The following ADGRV1 variants were observed in gnomAD, a reference collection of about 807,000 sequenced individuals.
The protein encoded by ADGRV1 is adhesion G protein-coupled receptor V1.
ADGRV1 carries 359 observed loss-of-function variants against 596.2 expected under a neutral mutation model. The ratio of observed to expected loss-of-function variants is 0.60; its 90% CI spans 0.55 to 0.66. The LOEUF (loss-of-function observed/expected upper bound fraction) is 0.66. Ranked by LOEUF, ADGRV1 falls within the 30% of genes least tolerant of loss-of-function variation. The pLI is 0.00. For synonymous variants in ADGRV1, 2,681 were observed against 2,679.2 expected (o/e 1.00, Z -0.02); for missense variants, 7,274 against 7,575.6 (o/e 0.96, Z 1.48).
intron 87 of ADGRV1, among the ~76,000 whole-genome samples, chr5:91,116,598 C>T (rs1275392544): frequency 6.6e-6 from 1 of 152,118 alleles, no homozygotes; most frequent in African/African-American, 2.4e-5. Flanking sequence ...CTTCAGAAGC[C>T]CAATGATGTC....
intron 83 of ADGRV1, among the ~76,000 whole-genome samples, chr5:90,926,977 G>A (rs562820675): frequency 6.6e-6 from 1 of 151,848 alleles, no homozygotes; most frequent in East Asian, 1.9e-4. Context: ...GTTCTAGTTT[G>A]ATTGCACTGT....
Position 90,628,727 on chromosome 5 carries a change from T to C in ADGRV1, c.1404T>C (p.Pro468=). ...AAGGGCAGATGTTGGCAACAATTCC[T>C]CTTACTGTGGTTGATGATGATCTTC... ...FAQGQMLATI[P]LTVVDDDLPE... is the part of the protein sequence containing the mutation. Residue 468 remains proline, a synonymous_variant, in exon 8 of 90, where the codon CCT becomes CCC. Coordinates refer to ENST00000405460, the MANE Select transcript of ADGRV1 (RefSeq NM_032119.4). 1.9e-6 allele frequency: 3 copies of C among 1,614,010 alleles called. No homozygotes were observed. Among genetic ancestry groups the C allele is most frequent in the Non-Finnish European group, 2.5e-6 (3 of 1,179,882 alleles).
At chr5:90,621,492 A>C (rs946598235) in intron 4 of ADGRV1, among the ~76,000 whole-genome samples, 1 of 152,218 alleles carries the variant, frequency 6.6e-6, no homozygotes, top group East Asian at 1.9e-4. Flanking sequence ...AATGATAAAG[A>C]ATTGTTAATG....
intron 84 of ADGRV1, among the ~76,000 whole-genome samples, chr5:90,966,675 C>G (rs16869291): frequency 0.19 from 29,202 of 151,940 alleles, 4,162 homozygotes; most frequent in East Asian, 0.49. Context: ...CTAGCATACT[C>G]CCCTGAGGAA....
chr5:90,926,939 C>T (rs1410541994), intron 83 of ADGRV1, among the ~76,000 whole-genome samples: 9 of 152,052 alleles, frequency 5.9e-5, no homozygotes, highest in East Asian at 3.9e-4. Flanking sequence ...TGTAGTTGAG[C>T]GGTTGTGAGT....
chr5:91,077,855 C>T (rs868696175), intron 86 of ADGRV1, among the ~76,000 whole-genome samples: 1 of 152,196 alleles, frequency 6.6e-6, no homozygotes, highest in Non-Finnish European at 1.5e-5. Context: ...GCATGTCTCT[C>T]TTTTTAGGCT....
At chr5:90,974,678 A>T (rs1377386154) in intron 84 of ADGRV1, among the ~76,000 whole-genome samples, 1 of 152,198 alleles carries the variant, frequency 6.6e-6, no homozygotes, top group Non-Finnish European at 1.5e-5. Flanking sequence ...TCCCTTCCTT[A>T]CACCTTATAC....
At chr5:91,052,721 A>G (rs1786461832) in intron 85 of ADGRV1, among the ~76,000 whole-genome samples, 1 of 152,178 alleles carries the variant, frequency 6.6e-6, no homozygotes, top group South Asian at 2.1e-4. Flanking sequence ...AGTGTGAGCC[A>G]CCACGCCCAG....
chr5:91,028,023 CTT>C (rs35519785), intron 85 of ADGRV1, among the ~76,000 whole-genome samples: 1 of 136,978 alleles, frequency 7.3e-6, no homozygotes, highest in African/African-American at 2.7e-5. Context: ...TGAGATCCAG[CTT>C]TTTTTTTCTT....
intron 29 of ADGRV1, among the ~76,000 whole-genome samples, chr5:90,688,078 G>A (rs370054803): frequency 2.4e-4 from 37 of 152,108 alleles, no homozygotes; most frequent in South Asian, 1.9e-3. Context: ...AAAAGAGCCC[G>A]CATCGCCGAG....
At chr5:90,685,661 A>G (rs1745530845) in intron 28 of ADGRV1, 119 bp from the exon 29 acceptor site, 2 of 410,288 alleles carry the variant, frequency 4.9e-6, no homozygotes, top group Non-Finnish European at 8.4e-6. Flanking sequence ...TAGAGGGAAA[A>G]CCCCAAATGA....
chr5:90,568,168 T>A lies in ADGRV1; in HGVS notation c.22+9251T>A, dbSNP rs1338087123. ...TTCCTTCTGCTTGATTTGGGTTTAG[T>A]TTGCCTGTTTTTTTCTACTTTCTTA... On this transcript the variant is annotated intron_variant, in intron 1 of 89. Coordinates refer to ENST00000405460, the MANE Select transcript of ADGRV1 (RefSeq NM_032119.4). Among the ~76,000 whole-genome samples, 11 of 152,246 alleles carry A rather than the reference T, an allele frequency of 7.2e-5. No homozygotes were observed. The East Asian group carries it at 2.1e-3, about 29-fold the overall frequency.
chr5:91,021,229 T>C (rs1240033464), intron 85 of ADGRV1, among the ~76,000 whole-genome samples: 2 of 152,080 alleles, frequency 1.3e-5, no homozygotes, highest in East Asian at 1.9e-4. Flanking sequence ...CAATAACAAC[T>C]GTCACAAATG....
In ADGRV1 at chr5:90,642,888, A is replaced by T. The variant is rs976381072; in HGVS notation, c.2400A>T (p.Arg800=). ...AATCTGTAGAGCTCCACATCATCCG[A>T]TCAAGGGGGTCCCTTGTTAAGCAGT... ...EGESVELHII[R]SRGSLVKQFL... Residue 800 remains arginine (R), a synonymous_variant, in exon 13 of 90, where the codon CGA becomes CGT. Transcript: ENST00000405460. 3.7e-6 allele frequency: 6 copies of T among 1,611,026 alleles called. No individual in the cohort carries two copies. The highest frequency in any genetic ancestry group is 5.1e-6 in the Non-Finnish European group (6 of 1,178,462).
At chr5:90,876,892 G>A (rs1769269058) in intron 83 of ADGRV1, among the ~76,000 whole-genome samples, 1 of 152,152 alleles carries the variant, frequency 6.6e-6, no homozygotes, top group Admixed American at 6.5e-5. Context: ...GTAATGTCAT[G>A]TTATGTAAAA....
At position 90,694,678 on chromosome 5, in the gene ADGRV1, G is replaced by A. The variant is rs1471599096; in HGVS notation, c.7922G>A (p.Gly2641Glu). The change falls in exon 33 of 90, where the codon GGA (glycine) becomes GAA (glutamate). Residue 2641 changes from glycine (G) to glutamate (E), a missense_variant. By Grantham distance (98) the Gly-to-Glu change is moderately conservative. Coordinates refer to ENST00000405460, the MANE Select transcript of ADGRV1 (RefSeq NM_032119.4). ...GAAGGTTTAGATTTTATAGGTGCTG[G>A]AGAGATTCTGACCTTTGCTGAAGGT... ...ATEGLDFIGA[G>E]EILTFAEGET... 42 of 1,595,024 alleles carry A rather than the reference G, an allele frequency of 2.6e-5. No homozygotes were observed. The highest frequency in any genetic ancestry group is 3.4e-5 in the Non-Finnish European group (40 of 1,170,092).
chr5:90,853,799 G>A (rs1275715993), intron 80 of ADGRV1, among the ~76,000 whole-genome samples: 5 of 152,054 alleles, frequency 3.3e-5, no homozygotes, highest in Admixed American at 1.3e-4. Context: ...ATACTATTAC[G>A]TACTTAACTT....
chr5:90,888,757 T>G (rs1770530370), intron 83 of ADGRV1, among the ~76,000 whole-genome samples: 1 of 152,142 alleles, frequency 6.6e-6, no homozygotes, highest in South Asian at 2.1e-4. Context: ...GTACAAATAT[T>G]GAGTAACAAC....
At chr5:91,050,680 G>A (rs1786239414) in intron 85 of ADGRV1, among the ~76,000 whole-genome samples, 1 of 152,014 alleles carries the variant, frequency 6.6e-6, no homozygotes, top group African/African-American at 2.4e-5. Flanking sequence ...GCAACATAGA[G>A]AGACCCTGGC....
Sources: gnomAD v4.1 joint callset for allele counts (sites outside exome capture counted in the v4.1 genomes callset) on GRCh38, gnomAD v4.1.1 for gene constraint, MANE v1.5 for transcripts, NCBI Gene and HGNC (gene_info 2026-07-23, HGNC 2026-07-21) for gene names.